TNKS: variants seen among roughly 807,000 people sequenced by gnomAD.
TNKS encodes the protein poly [ADP-ribose] polymerase tankyrase-1.
Under a neutral mutation model 135.8 loss-of-function variants are expected in TNKS, and 72 were observed. That is an observed-to-expected ratio of 0.53 (90% CI 0.44 to 0.64). The LOEUF (loss-of-function observed/expected upper bound fraction) is 0.64, where lower values mean the gene tolerates loss of function less well. Among genes scored for constraint, TNKS ranks in the 30% least tolerant of loss-of-function variants. The pLI is 0.00. For missense variants in TNKS, 1,769 were observed against 1,674.0 expected, an observed-to-expected ratio of 1.06 and a Z score of -0.99; for synonymous variants, 849 against 649.3, an observed-to-expected ratio of 1.31 and a Z score of -4.68.
intron 1 of TNKS, chr8:9,556,966 T>G (rs1815346029): frequency 2.3e-6 from 1 of 441,052 alleles, no homozygotes; most frequent in South Asian, 4.7e-5. Flanking sequence ...GTGTGCTAGT[T>G]TATTTTGTTT....
intron 1 of TNKS, among the ~76,000 whole-genome samples, chr8:9,559,210 C>G (rs116240699): frequency 2.0e-5 from 3 of 152,046 alleles, no homozygotes; most frequent in East Asian, 1.9e-4. Context: ...AGTGTCTAAT[C>G]TAGAGTGATA....
Position 9,615,600 on chromosome 8 carries a change from C to G in TNKS, c.917C>G (p.Ala306Gly). The part of the protein sequence containing the change: ...DVCIVLLQHG[A>G]DPNIRNTDGK... ...TGCACAGTGCTGCTGCAGCACGGAG[C>G]TGACCCAAACATTCGGAACACTGAT... The change falls in exon 3 of 27, where the codon GCT becomes GGT. Residue 306 changes from alanine (A) to glycine (G), a missense_variant. Around this residue, in one of 5 missense-constraint regions of TNKS, gnomAD observed 523 missense variants for 541.0 expected, o/e 0.97. Transcript: ENST00000310430. The G allele has an allele frequency of 3.1e-6, 5 of 1,613,554 alleles. No homozygotes were observed. The highest frequency in any genetic ancestry group is 4.2e-6 in the Non-Finnish European group (5 of 1,179,784).
intron 2 of TNKS, among the ~76,000 whole-genome samples, chr8:9,605,369 G>A (rs922004171): frequency 2.0e-4 from 30 of 151,904 alleles, no homozygotes; most frequent in African/African-American, 6.5e-4. Context: ...GTATTCTGTT[G>A]TATGACTGAG....
chr8:9,708,474 G>C lies in TNKS; in HGVS notation c.1560G>C (p.Gln520His). Reference sequence around the variant, plus strand: ...AAATCATTAATTTCAAACAACCGCAGTCTCATGAAACAGCACTGGTAAGAT... The same window carrying C: ...AAATCATTAATTTCAAACAACCGCACTCTCATGAAACAGCACTGGTAAGAT... ...ALEIINFKQP[Q>H]SHETALHCAV... Residue 520 changes from glutamine to histidine, a missense_variant, in exon 9 of 27, where the codon CAG becomes CAC. Physicochemically the swap from Gln to His is conservative, Grantham distance 24. Transcript: ENST00000310430. The C allele has an allele frequency of 6.2e-7, 1 of 1,606,500 alleles. No individual in the cohort carries two copies. The highest frequency in any genetic ancestry group is 1.7e-5 in the Admixed American group (1 of 59,488).
chr8:9,646,234 G>GT (rs949319407), intron 3 of TNKS, among the ~76,000 whole-genome samples: 1 of 151,446 alleles, frequency 6.6e-6, no homozygotes, highest in African/African-American at 2.4e-5. Flanking sequence ...AGATTTCCTT[G>GT]TTTTTTTCAG....
intron 5 of TNKS, among the ~76,000 whole-genome samples, chr8:9,698,011 C>G (rs933205752): frequency 1.3e-5 from 2 of 152,120 alleles, no homozygotes; most frequent in African/African-American, 4.8e-5. Context: ...AGGTGCCTAT[C>G]AGTGGTGGAT....
rs753027794 is a variant in TNKS at position 9,706,939 on chromosome 8, C to T, written c.1398C>T (p.Cys466=). ...GCGCTGATCCTACATTAGTCAACTG[C>T]CATGGCAAAAGTGCTGTGGATATGG... ...SHGADPTLVN[C]HGKSAVDMAP... is the part of the protein sequence containing the mutation. The change falls in exon 8 of 27, where the codon TGC becomes TGT. Residue 466 remains cysteine (C), a synonymous_variant. Coordinates refer to ENST00000310430, the MANE Select transcript of TNKS (RefSeq NM_003747.3). 4 of 1,613,382 alleles carry T rather than the reference C, an allele frequency of 2.5e-6. No individual in the cohort carries two copies. Among genetic ancestry groups the T allele is most frequent in the East Asian group, 4.5e-5 (2 of 44,852 alleles).
At chr8:9,616,951 C>G (rs1454550442) in intron 3 of TNKS, among the ~76,000 whole-genome samples, 3 of 152,074 alleles carry the variant, frequency 2.0e-5, no homozygotes, top group African/African-American at 7.2e-5. Flanking sequence ...TGGTCTCTGA[C>G]CAAAGGAGAA....
chr8:9,613,708 AC>A (rs1412380175), intron 2 of TNKS, among the ~76,000 whole-genome samples: 1 of 152,196 alleles, frequency 6.6e-6, no homozygotes, highest in East Asian at 1.9e-4. Context: ...TTTTAATGTC[AC>A]CTAAAGTACA....
chr8:9,708,644 G>GT (rs1037657070), intron 9 of TNKS, 152 bp downstream of exon 9: 22 of 772,436 alleles, frequency 2.8e-5, no homozygotes, highest in African/African-American at 9.1e-5. Context: ...TTTAAACTTA[G>GT]TTTGGGGGGT....
intron 3 of TNKS, among the ~76,000 whole-genome samples, chr8:9,644,553 T>A (rs1232567326): frequency 6.6e-6 from 1 of 152,198 alleles, no homozygotes; most frequent in Non-Finnish European, 1.5e-5. Flanking sequence ...TTTCTTGGAC[T>A]TTTTACTGAA....
At chr8:9,616,748 G>A (rs1173072540) in intron 3 of TNKS, among the ~76,000 whole-genome samples, 1 of 152,130 alleles carries the variant, frequency 6.6e-6, no homozygotes, top group Non-Finnish European at 1.5e-5. Flanking sequence ...TCAAAGATTA[G>A]TGTATTTAGT....
intron 17 of TNKS, among the ~76,000 whole-genome samples, chr8:9,736,011 G>C (rs931416697): frequency 6.6e-6 from 1 of 151,114 alleles, no homozygotes; most frequent in Non-Finnish European, 1.5e-5. Context: ...TTGCTTTTTG[G>C]TCTCAGCACG....
chr8:9,732,212 A>G (rs1366119757), intron 14 of TNKS, among the ~76,000 whole-genome samples: 1 of 152,206 alleles, frequency 6.6e-6, no homozygotes, highest in Non-Finnish European at 1.5e-5. Context: ...CTAGAAGCAT[A>G]GTTTTATTTT....
chr8:9,571,504 C>T lies in TNKS; in HGVS notation c.674-8655C>T, dbSNP rs192921977. 2.8e-3 allele frequency among the ~76,000 whole-genome samples: 420 copies of T among 152,280 alleles called. 2 individuals carry two copies. The highest frequency in any genetic ancestry group is 9.6e-3 in the African/African-American group (400 of 41,562). On this transcript the variant is annotated intron_variant, in intron 1 of 26. Coordinates refer to ENST00000310430, the MANE Select transcript of TNKS (RefSeq NM_003747.3). ...ATGGAGTCTCACTCTGTCGCCCAGGCTGGAGTGCAGTGGTGCAATCTTGGC... is the reference window on the plus strand; with the variant it reads ...ATGGAGTCTCACTCTGTCGCCCAGGTTGGAGTGCAGTGGTGCAATCTTGGC...
chr8:9,771,681 G>C (rs1183412718), intron 26 of TNKS, among the ~76,000 whole-genome samples: 2 of 118,066 alleles, frequency 1.7e-5, no homozygotes, highest in Non-Finnish European at 1.8e-5. Flanking sequence ...AAGGGAGGGA[G>C]AGAGAGAGAG....
intron 12 of TNKS, among the ~76,000 whole-genome samples, chr8:9,725,643 G>A (rs1585381076): frequency 6.6e-6 from 1 of 152,232 alleles, no homozygotes. Context: ...AAACTAAACT[G>A]TTACATGAGT....
chr8:9,761,675 G>T (rs1242026185), intron 21 of TNKS, 39 bp downstream of exon 21: 2 of 1,575,124 alleles, frequency 1.3e-6, no homozygotes, highest in African/African-American at 1.4e-5. Flanking sequence ...TCAGAAATCA[G>T]TGGTACAAGG....
intron 2 of TNKS, among the ~76,000 whole-genome samples, chr8:9,591,699 TCTTTG>T (rs2128754834): frequency 6.6e-6 from 1 of 152,320 alleles, no homozygotes; most frequent in East Asian, 1.9e-4. Flanking sequence ...TATTTCCCAA[TCTTTG>T]CTTTGCTTTT....
Sources: allele counts gnomAD v4.1 joint callset (sites outside exome capture counted in the v4.1 genomes callset), GRCh38; gene constraint gnomAD v4.1.1; regional missense constraint gnomAD v4.1.1; transcripts MANE v1.5; gene names NCBI Gene and HGNC (gene_info 2026-07-23, HGNC 2026-07-21).